Variants in CNTN5 observed in about 807,000 individuals in gnomAD.
The protein encoded by CNTN5 is contactin 5.
A neutral mutation model predicts 129.1 loss-of-function variants in CNTN5; 77 were observed. The ratio of observed to expected loss-of-function variants is 0.60; its 90% CI spans 0.50 to 0.72. The LOEUF (loss-of-function observed/expected upper bound fraction) is 0.72, where lower values mean the gene tolerates loss of function less well. CNTN5 is among the 30% of genes least tolerant of loss of function. The pLI is 0.00. For synonymous variants in CNTN5, 509 were observed against 465.6 expected, an observed-to-expected ratio of 1.09 and a Z score of -1.20; for missense variants, 1,478 against 1,328.8, an observed-to-expected ratio of 1.11 and a Z score of -1.75.
chr11:99,686,266 C>A lies in CNTN5; in HGVS notation c.55+129997C>A, dbSNP rs1398253710. Among the ~76,000 whole-genome samples the A allele has an allele frequency of 2.0e-5, 3 of 152,018 alleles. No individual in the cohort carries two copies. The East Asian group carries it at 5.8e-4, about 29-fold the overall frequency. On this transcript the variant is annotated intron_variant, in intron 3 of 24. Transcript: ENST00000524871. ...TGCGTCTCTAATGCTTATTTAGAGT[C>A]ATTTTTATTCTGTTGACAGAAATTT...
chr11:99,403,807 G>A (rs1217186034), intron 2 of CNTN5, among the ~76,000 whole-genome samples: 1 of 152,126 alleles, frequency 6.6e-6, no homozygotes, highest in African/African-American at 2.4e-5. Flanking sequence ...TCCATGTGCT[G>A]AGGAGAATAA....
chr11:99,986,015 T>A (rs1350678577), intron 8 of CNTN5, among the ~76,000 whole-genome samples: 2 of 152,206 alleles, frequency 1.3e-5, no homozygotes, highest in Admixed American at 1.3e-4. Flanking sequence ...TAAGCCATTT[T>A]CTGCTGAAAG....
At chr11:99,208,748 C>T (rs1227728703) in intron 1 of CNTN5, among the ~76,000 whole-genome samples, 4 of 151,986 alleles carry the variant, frequency 2.6e-5, no homozygotes, top group Non-Finnish European at 5.9e-5. Flanking sequence ...TGATGCCAAT[C>T]AAAAACAATT....
intron 13 of CNTN5, 138 bp downstream of exon 13, chr11:100,074,432 A>G (rs1944046687): frequency 1.3e-6 from 1 of 751,622 alleles, no homozygotes; most frequent in East Asian, 3.0e-5. Context: ...GGTTTTGCCT[A>G]TATAGTGATT....
chr11:99,224,701 A>C (rs1007590634), intron 1 of CNTN5, among the ~76,000 whole-genome samples: 1 of 119,026 alleles, frequency 8.4e-6, no homozygotes, highest in Non-Finnish European at 1.6e-5. Context: ...TCTGTCACCC[A>C]AGCTGGAGTT....
At chr11:99,854,142 C>A (rs148063031) in intron 6 of CNTN5, among the ~76,000 whole-genome samples, 1 of 152,298 alleles carries the variant, frequency 6.6e-6, no homozygotes, top group Non-Finnish European at 1.5e-5. Context: ...ACAAACCATT[C>A]TATTTCATAT....
intron 6 of CNTN5, among the ~76,000 whole-genome samples, chr11:99,873,190 T>G (rs139719612): frequency 1.3e-5 from 2 of 152,214 alleles, no homozygotes; most frequent in African/African-American, 4.8e-5. Flanking sequence ...ACCATGTTCC[T>G]GAATTTAAAT....
intron 1 of CNTN5, among the ~76,000 whole-genome samples, chr11:99,142,647 A>T (rs894353433): frequency 6.6e-6 from 1 of 152,194 alleles, no homozygotes; most frequent in South Asian, 2.1e-4. Flanking sequence ...GTCCAGGTCT[A>T]TCAGTCAACA....
intron 1 of CNTN5, among the ~76,000 whole-genome samples, chr11:99,175,124 C>A (rs1857710745): frequency 6.6e-6 from 1 of 152,020 alleles, no homozygotes; most frequent in African/African-American, 2.4e-5. Context: ...GTCCTAGTTA[C>A]TTGGGAAGCT....
chr11:99,636,120 A>G (rs931099182), intron 3 of CNTN5, among the ~76,000 whole-genome samples: 1 of 152,106 alleles, frequency 6.6e-6, no homozygotes, highest in African/African-American at 2.4e-5. Context: ...TTCCTGACCT[A>G]GGAAAATAGA....
intron 24 of CNTN5, among the ~76,000 whole-genome samples, chr11:100,354,171 A>G (rs574259146): frequency 6.6e-6 from 1 of 151,648 alleles, no homozygotes; most frequent in Admixed American, 6.6e-5. Flanking sequence ...TGTTATGAGG[A>G]TCAAATAAGA....
intron 2 of CNTN5, among the ~76,000 whole-genome samples, chr11:99,367,765 G>A (rs1299107496): frequency 6.6e-6 from 1 of 152,032 alleles, no homozygotes; most frequent in Non-Finnish European, 1.5e-5. Context: ...AAGATTTAAT[G>A]AATATTGGAA....
chr11:99,919,129 G>A (rs1256536677), intron 7 of CNTN5, among the ~76,000 whole-genome samples: 2 of 152,146 alleles, frequency 1.3e-5, no homozygotes, highest in African/African-American at 4.8e-5. Context: ...TTCTGCAGAA[G>A]CAAATTTTGC....
intron 2 of CNTN5, among the ~76,000 whole-genome samples, chr11:99,414,866 A>G (rs552667448): frequency 3.0e-4 from 45 of 152,262 alleles, no homozygotes; most frequent in African/African-American, 9.9e-4. Flanking sequence ...GAGTAAGGAT[A>G]CTGAATATAG....
intron 3 of CNTN5, among the ~76,000 whole-genome samples, chr11:99,646,374 C>T (rs1018144567): frequency 1.3e-5 from 2 of 152,172 alleles, no homozygotes; most frequent in Non-Finnish European, 2.9e-5. Flanking sequence ...ATTCTATCTG[C>T]ATTGACACTT....
intron 8 of CNTN5, among the ~76,000 whole-genome samples, chr11:99,990,318 T>C (rs1938983532): frequency 6.6e-6 from 1 of 152,140 alleles, no homozygotes; most frequent in Non-Finnish European, 1.5e-5. Flanking sequence ...TTGATCAATT[T>C]ATTCCTGATG....
At chr11:99,047,639 C>T (rs143022617) in intron 1 of CNTN5, among the ~76,000 whole-genome samples, 61 of 151,990 alleles carry the variant, frequency 4.0e-4, no homozygotes, top group Admixed American at 1.2e-3. Flanking sequence ...GAAAATAACT[C>T]GTTATTAATG....
At chr11:99,027,365 T>C (rs868303137) in intron 1 of CNTN5, among the ~76,000 whole-genome samples, 2 of 151,582 alleles carry the variant, frequency 1.3e-5, no homozygotes, top group Admixed American at 6.6e-5. Flanking sequence ...AAATTTTGGG[T>C]AAACTTTAAT....
intron 3 of CNTN5, among the ~76,000 whole-genome samples, chr11:99,570,132 T>TA (rs11307877): frequency 0.014 from 1,969 of 138,982 alleles, 18 homozygotes; most frequent in Non-Finnish European, 0.02. Flanking sequence ...AAGGTTACTT[T>TA]AAAAAAAAAA....
Sources: gnomAD v4.1 joint callset for allele counts (sites outside exome capture counted in the v4.1 genomes callset) on GRCh38, gnomAD v4.1.1 for gene constraint, MANE v1.5 for transcripts, NCBI Gene and HGNC (gene_info 2026-07-23, HGNC 2026-07-21) for gene names.